The following MERTK variants were observed in gnomAD, a reference collection of about 807,000 sequenced individuals.
The protein encoded by MERTK is MER proto-oncogene, tyrosine kinase.
In MERTK, 69 loss-of-function variants were observed where a neutral mutation model predicts 99.3. The observed-to-expected ratio is 0.70, with a 90% CI of 0.57 to 0.85. The LOEUF is 0.85. MERTK is among the 40% of genes least tolerant of loss of function. The pLI, the probability that MERTK is intolerant of heterozygous loss-of-function variation, is 0.00. For synonymous variants in MERTK, 426 were observed against 467.6 expected, an observed-to-expected ratio of 0.91 and a Z score of 1.15; for missense variants, 1,125 against 1,249.4, an observed-to-expected ratio of 0.90 and a Z score of 1.50.
intron 2 of MERTK, 143 bp from the exon 3 acceptor site, chr2:111,944,817 C>A: frequency 1.4e-6 from 1 of 714,230 alleles, no homozygotes; most frequent in Non-Finnish European, 2.4e-6. Flanking sequence ...TTTGACCAAA[C>A]AACTGCGTAC....
At chr2:111,974,792 A>AG (rs1491554956) in intron 6 of MERTK, among the ~76,000 whole-genome samples, 3 of 136,682 alleles carry the variant, frequency 2.2e-5, no homozygotes, top group Non-Finnish European at 4.9e-5. Context: ...AAAAAAAAAA[A>AG]GAAAGAAAAG....
intron 18 of MERTK, among the ~76,000 whole-genome samples, chr2:112,026,686 G>A (rs1313074987): frequency 1.3e-5 from 2 of 152,204 alleles, no homozygotes; most frequent in African/African-American, 4.8e-5. Flanking sequence ...CTCTTTACAT[G>A]CATGGCACTT....
At chr2:112,022,552 A>C in intron 18 of MERTK, 158 bp downstream of exon 18, 1 of 1,098,810 alleles carries the variant, frequency 9.1e-7, no homozygotes, top group Non-Finnish European at 1.4e-6. Context: ...CCAGCCCAGG[A>C]GCCATTCCTG....
chr2:111,906,864 G>A (rs1012485723), intron 1 of MERTK, among the ~76,000 whole-genome samples: 4 of 152,256 alleles, frequency 2.6e-5, no homozygotes, highest in Non-Finnish European at 2.9e-5. Context: ...CTGGGGTATA[G>A]TGTGTCCTCC....
chr2:112,022,541 C>G, intron 18 of MERTK, 147 bp downstream of exon 18: 4 of 1,206,902 alleles, frequency 3.3e-6, no homozygotes, highest in Non-Finnish European at 4.9e-6. Flanking sequence ...CCACAGACAC[C>G]CCAGCCCAGG....
intron 6 of MERTK, among the ~76,000 whole-genome samples, chr2:111,969,493 CT>C (rs961034124): frequency 2.6e-4 from 39 of 152,146 alleles, no homozygotes; most frequent in Admixed American, 8.5e-4. Flanking sequence ...ATATGTTAAC[CT>C]GACACAGGCC....
At chr2:111,970,863 C>A (rs924011506) in intron 6 of MERTK, among the ~76,000 whole-genome samples, 41 of 140,370 alleles carry the variant, frequency 2.9e-4, no homozygotes, top group Non-Finnish European at 5.4e-4. Flanking sequence ...CCTCCTTCTC[C>A]TCCTTCTTCT....
intron 1 of MERTK, among the ~76,000 whole-genome samples, chr2:111,912,644 A>G (rs1177138218): frequency 4.6e-5 from 7 of 152,112 alleles, no homozygotes; most frequent in Non-Finnish European, 5.9e-5. Context: ...CTGGACTAAG[A>G]TATTTCTTCC....
chr2:111,913,294 A>G (rs983502738), intron 1 of MERTK, among the ~76,000 whole-genome samples: 2 of 152,160 alleles, frequency 1.3e-5, no homozygotes, highest in African/African-American at 4.8e-5. Context: ...ATTTAGTTAT[A>G]TCTTCTTGTA....
chr2:111,985,635 A>G (rs951624876), intron 8 of MERTK, among the ~76,000 whole-genome samples: 3 of 152,198 alleles, frequency 2.0e-5, no homozygotes, highest in Non-Finnish European at 4.4e-5. Context: ...CAATCATGGC[A>G]GGAGGCAGAG....
At chr2:111,914,496 C>G (rs1317112537) in intron 1 of MERTK, among the ~76,000 whole-genome samples, 6 of 152,176 alleles carry the variant, frequency 3.9e-5, no homozygotes, top group African/African-American at 1.4e-4. Flanking sequence ...CCATGCTGGT[C>G]TTGAACTCCT....
intron 11 of MERTK, among the ~76,000 whole-genome samples, chr2:112,001,717 G>A (rs62162479): frequency 0.03 from 4,582 of 152,218 alleles, 126 homozygotes; most frequent in Non-Finnish European, 0.039. Flanking sequence ...CAGAGAGTGG[G>A]GGCTTCTGGT....
chr2:111,969,989 C>T (rs1477780136), intron 6 of MERTK, among the ~76,000 whole-genome samples: 3 of 152,072 alleles, frequency 2.0e-5, no homozygotes, highest in African/African-American at 7.2e-5. Context: ...CCGCGCCCTG[C>T]CCAGCCTTTC....
At position 111,949,759 on chromosome 2, in the gene MERTK, A is replaced by G. The variant is rs551460480; in HGVS notation, c.757+2192A>G. Among the ~76,000 whole-genome samples the G allele has an allele frequency of 6.6e-4, 100 of 152,214 alleles. 1 individual carries two copies. The highest frequency in any genetic ancestry group is 2.3e-3 in the African/African-American group (95 of 41,534). On this transcript the variant is annotated intron_variant, in intron 4 of 18. Transcript: ENST00000295408. Reference sequence around the variant, plus strand: ...CCCTTCCAGTGGGTCACCATCTCCCATAGGCAATTCTGTTCTTATATCTGT... The same window carrying G: ...CCCTTCCAGTGGGTCACCATCTCCCGTAGGCAATTCTGTTCTTATATCTGT...
intron 16 of MERTK, among the ~76,000 whole-genome samples, chr2:112,020,813 G>A (rs575168093): frequency 3.9e-5 from 6 of 152,104 alleles, no homozygotes; most frequent in East Asian, 1.9e-4. Flanking sequence ...GCTATGCTGC[G>A]TCTCCATGTT....
rs570364211 is a variant in MERTK, at chr2:111,910,342, T to C, written c.61+11546T>C. ...TGGAATGCAGTGGCATGATCTCAGC[T>C]CACTGCAACTTCTGCCTCCTGGGTT... On this transcript the variant is annotated intron_variant, in intron 1 of 18. Coordinates refer to ENST00000295408, the MANE Select transcript of MERTK (RefSeq NM_006343.3). 9.2e-5 allele frequency among the ~76,000 whole-genome samples: 14 copies of C among 151,826 alleles called. No homozygotes were observed. The South Asian group carries it at 2.7e-3, about 29-fold the overall frequency.
At chr2:112,020,124 T>C (rs1366873818) in intron 16 of MERTK, among the ~76,000 whole-genome samples, 1 of 152,210 alleles carries the variant, frequency 6.6e-6, no homozygotes, top group Non-Finnish European at 1.5e-5. Context: ...TTCAATGTAT[T>C]TTGTCATTTG....
intron 1 of MERTK, among the ~76,000 whole-genome samples, chr2:111,903,128 A>G (rs187125428): frequency 2.2e-4 from 33 of 151,670 alleles, no homozygotes; most frequent in African/African-American, 8.0e-4. Context: ...ACCACAAGGT[A>G]AGCTCCTGGT....
At chr2:111,947,934 G>GAC (rs1354831471) in intron 4 of MERTK, among the ~76,000 whole-genome samples, 4 of 152,102 alleles carry the variant, frequency 2.6e-5, no homozygotes, top group Non-Finnish European at 5.9e-5. Flanking sequence ...CAGTGGATTT[G>GAC]ACACCGAGAG....
Sources: allele counts gnomAD v4.1 joint callset (sites outside exome capture counted in the v4.1 genomes callset), GRCh38; gene constraint gnomAD v4.1.1; transcripts MANE v1.5; gene names NCBI Gene and HGNC (gene_info 2026-07-23, HGNC 2026-07-21).